Variants in BTD observed in about 807,000 individuals in gnomAD.
BTD encodes the protein biocytinase.
Under a neutral mutation model 17.7 loss-of-function variants are expected in BTD, and 13 were observed. That is an observed-to-expected ratio of 0.74 (90% CI 0.48 to 1.17). The LOEUF (loss-of-function observed/expected upper bound fraction) is 1.17, where lower values mean the gene tolerates loss of function less well. BTD is among the 50% of genes most tolerant of loss of function. The pLI, the probability that BTD is intolerant of heterozygous loss-of-function variation, is 0.00. For missense variants in BTD, 674 were observed against 650.4 expected (o/e 1.04, Z -0.39); for synonymous variants, 240 against 245.2 (o/e 0.98, Z 0.20).
intron 4 of BTD, chr3:15,721,033 G>A: frequency 1.9e-6 from 3 of 1,613,802 alleles, no homozygotes; most frequent in Non-Finnish European, 2.5e-6. Flanking sequence ...ATTCACAATA[G>A]CACCACAGTC....
At chr3:15,602,262 C>G (rs1350430233) in intron 1 of BTD, 2 of 1,252,358 alleles carry the variant, frequency 1.6e-6, no homozygotes, top group African/African-American at 3.0e-5. Context: ...CTGTTTCCTA[C>G]CCACTATTCA....
At chr3:15,629,203 A>G (rs1057329882) in intron 1 of BTD, among the ~76,000 whole-genome samples, 11 of 151,970 alleles carry the variant, frequency 7.2e-5, no homozygotes, top group African/African-American at 2.7e-4. Context: ...ATAAGGGAAC[A>G]ATAGGAGTCA....
intron 3 of BTD, among the ~76,000 whole-genome samples, chr3:15,661,448 A>G (rs1432083788): frequency 6.6e-6 from 1 of 152,026 alleles, no homozygotes; most frequent in Non-Finnish European, 1.5e-5. Flanking sequence ...TGCCACCTGT[A>G]TCTTCTTTGG....
At chr3:15,691,625 G>A (rs1001264938) in intron 3 of BTD, among the ~76,000 whole-genome samples, 14 of 152,294 alleles carry the variant, frequency 9.2e-5, no homozygotes, top group Non-Finnish European at 7.4e-5. Flanking sequence ...AACTTGCTCT[G>A]GGCCTCACTG....
chr3:15,640,715 G>A lies in BTD; in HGVS notation c.250-1193G>A, dbSNP rs1019445224. Among the ~76,000 whole-genome samples the A allele has an allele frequency of 2.4e-4, 36 of 151,790 alleles. 4 individuals are homozygous for A. Among genetic ancestry groups the A allele is most frequent in the African/African-American group, 4.8e-4 (20 of 41,384 alleles). ...CGTATTTTTTAAAGTTCTTAATGAGGGAAGTCAAGATGTAAAACCATATAT... is the reference window on the plus strand; with the variant it reads ...CGTATTTTTTAAAGTTCTTAATGAGAGAAGTCAAGATGTAAAACCATATAT... On this transcript the variant is annotated intron_variant, in intron 2 of 3. Coordinates refer to ENST00000643237, the MANE Select transcript of BTD (RefSeq NM_001370658.1).
intron 3 of BTD, among the ~76,000 whole-genome samples, chr3:15,693,474 A>G (rs142004845): frequency 5.6e-4 from 86 of 152,290 alleles, no homozygotes; most frequent in African/African-American, 1.9e-3. Flanking sequence ...CATTAAACTG[A>G]TAACTAAGTC....
At chr3:15,709,707 T>G in intron 3 of BTD, 1 of 1,582,792 alleles carries the variant, frequency 6.3e-7, no homozygotes. Context: ...TGCACCAGTA[T>G]TCAGCAGAAG....
At chr3:15,604,981 C>G (rs1266414251) in intron 1 of BTD, among the ~76,000 whole-genome samples, 1 of 152,168 alleles carries the variant, frequency 6.6e-6, no homozygotes, top group Non-Finnish European at 1.5e-5. Context: ...TAGGAAGTTC[C>G]AGACTTTCCC....
intron 1 of BTD, 86 bp downstream of exon 1, chr3:15,601,980 G>A (rs1167785646): frequency 6.3e-6 from 10 of 1,577,226 alleles, no homozygotes; most frequent in Middle Eastern, 2.3e-4. Context: ...GTTGGACTTG[G>A]GGAGGGCTGC....
intron 3 of BTD, among the ~76,000 whole-genome samples, chr3:15,642,512 TG>T (rs1481316063): frequency 1.3e-5 from 2 of 150,424 alleles, no homozygotes; most frequent in Non-Finnish European, 2.9e-5. Flanking sequence ...TGGAGCGCAG[TG>T]GCGCGATCTC....
At chr3:15,672,248 A>C (rs2066448938) in intron 3 of BTD, among the ~76,000 whole-genome samples, 1 of 150,966 alleles carries the variant, frequency 6.6e-6, no homozygotes, top group African/African-American at 2.4e-5. Context: ...GGCTCAAGTG[A>C]TCCTCCCACC....
intron 3 of BTD, among the ~76,000 whole-genome samples, chr3:15,675,709 C>T (rs1027781875): frequency 2.0e-5 from 3 of 152,184 alleles, no homozygotes; most frequent in Non-Finnish European, 2.9e-5. Flanking sequence ...TATAGGAATT[C>T]GGAAGTACAT....
intron 1 of BTD, among the ~76,000 whole-genome samples, chr3:15,609,949 T>C (rs2064565880): frequency 6.6e-6 from 1 of 152,102 alleles, no homozygotes; most frequent in Non-Finnish European, 1.5e-5. Flanking sequence ...CCTGAGGTTA[T>C]GAAGATTTTT....
intron 1 of BTD, among the ~76,000 whole-genome samples, chr3:15,610,552 T>A (rs1028897759): frequency 6.6e-6 from 1 of 152,200 alleles, no homozygotes; most frequent in African/African-American, 2.4e-5. Flanking sequence ...CTCATCCCAG[T>A]GATACATAAT....
intron 3 of BTD, among the ~76,000 whole-genome samples, chr3:15,701,054 CCTT>C (rs1268383576): frequency 6.6e-6 from 1 of 152,100 alleles, no homozygotes; most frequent in African/African-American, 2.4e-5. Context: ...ATCAAATACT[CCTT>C]ATTAAAAGTT....
chr3:15,641,910 T>C lies in BTD; in HGVS notation c.252T>C (p.Asp84=), dbSNP rs138545268. 9.2e-5 allele frequency: 148 copies of C among 1,604,840 alleles called. No homozygotes were observed. The African/African-American group carries it at 1.7e-3, about 19-fold the overall frequency. Residue 84 remains aspartate (D), a splice_region_variant and synonymous_variant, in exon 3 of 4, where the codon GAT becomes GAC. Coordinates refer to ENST00000643237, the MANE Select transcript of BTD (RefSeq NM_001370658.1). ...EQQVMTAAQK[D]VQIIVFPEDG... Reference sequence around the variant, plus strand: ...TTCTTTGATGTTTTCATTTTCAGGATGTACAGATTATAGTGTTTCCAGAAG... The same window carrying C: ...TTCTTTGATGTTTTCATTTTCAGGACGTACAGATTATAGTGTTTCCAGAAG...
chr3:15,692,582 AG>A (rs2068952161), intron 3 of BTD, among the ~76,000 whole-genome samples: 1 of 152,266 alleles, frequency 6.6e-6, no homozygotes, highest in South Asian at 2.1e-4. Context: ...CCAAATGTCC[AG>A]TATGACTAAA....
chr3:15,696,151 G>T lies in BTD; in HGVS notation c.400-13909G>T. The T allele has an allele frequency of 6.3e-7, 1 of 1,583,310 alleles. No individual in the cohort carries two copies. Among genetic ancestry groups the T allele is most frequent in the Non-Finnish European group, 8.6e-7 (1 of 1,161,228 alleles). On this transcript the variant is annotated intron_variant, in intron 3 of 3. Transcript: ENST00000672141. ...AATCTTACCAGCTGAAGACATAGAC[G>T]GTGACCATAAGCAGCTGAATAATGA...
chr3:15,633,088 C>G (rs2065253565), intron 1 of BTD, among the ~76,000 whole-genome samples: 1 of 152,150 alleles, frequency 6.6e-6, no homozygotes, highest in South Asian at 2.1e-4. Context: ...TAAATCATCT[C>G]TAGATCCCTT....
Sources: allele counts gnomAD v4.1 joint callset (sites outside exome capture counted in the v4.1 genomes callset), GRCh38; gene constraint gnomAD v4.1.1; transcripts MANE v1.5; gene names NCBI Gene and HGNC (gene_info 2026-07-23, HGNC 2026-07-21).